HIP1R: variants seen among roughly 807,000 people sequenced by gnomAD.
The protein encoded by HIP1R is huntingtin-interacting protein 1-related protein.
Under a neutral mutation model 144.2 loss-of-function variants are expected in HIP1R, and 135 were observed. The ratio of observed to expected loss-of-function variants is 0.94; its 90% CI spans 0.81 to 1.08. The LOEUF (loss-of-function observed/expected upper bound fraction) is 1.08. HIP1R is among the 50% of genes least tolerant of loss of function. The pLI is 0.00. For missense variants in HIP1R, 1,462 were observed against 1,432.8 expected (o/e 1.02, Z -0.33); for synonymous variants, 698 against 612.8 (o/e 1.14, Z -2.05).
chr12:122,838,321 TAA>T (rs59855317), intron 1 of HIP1R, among the ~76,000 whole-genome samples: 3 of 127,534 alleles, frequency 2.4e-5, no homozygotes, highest in African/African-American at 3.0e-5. Flanking sequence ...TCCCTTTGGT[TAA>T]AAAAAAAAAA....
intron 4 of HIP1R, among the ~76,000 whole-genome samples, chr12:122,849,641 C>T (rs2033315659): frequency 6.6e-6 from 1 of 152,262 alleles, no homozygotes; most frequent in Non-Finnish European, 1.5e-5. Flanking sequence ...TCAGAACTGG[C>T]CTGCCGCCCT....
intron 5 of HIP1R, chr12:122,850,196 C>T (rs918456306): frequency 1.7e-5 from 11 of 648,914 alleles, no homozygotes; most frequent in African/African-American, 5.3e-5. Flanking sequence ...TTTCTGTGGA[C>T]ATGAGCGCTG....
Position 122,860,940 on chromosome 12 carries a change from C to G in HIP1R, c.2791C>G (p.His931Asp), listed in dbSNP as rs749514313. Residue 931 changes from histidine (H) to aspartate (D), a missense_variant, in exon 29 of 32, where the codon CAC (histidine) becomes GAC (aspartate). This residue lies in a region of HIP1R where 1,112 missense variants were observed against 1,011.7 expected (regional missense o/e 1.10). Transcript: ENST00000253083. ...SKVKANKHSP[H>D]LSRLQECSRT... is the part of the protein sequence containing the mutation. ...GGTGAAGGCCAACAAGCACAGCCCC[C>G]ACCTGAGCCGCCTGCAGGAATGTTC... The G allele has an allele frequency of 1.9e-6, 3 of 1,612,830 alleles. No individual in the cohort carries two copies. The highest frequency in any genetic ancestry group is 1.3e-5 in the African/African-American group (1 of 74,900).
rs200961297 is a variant in HIP1R, at chr12:122,860,486, G to A, written c.2623G>A (p.Ala875Thr). The A allele has an allele frequency of 1.9e-6, 3 of 1,613,236 alleles. No individual in the cohort carries two copies. The highest frequency in any genetic ancestry group is 2.5e-6 in the Non-Finnish European group (3 of 1,179,974). Residue 875 changes from alanine to threonine, a missense_variant, in exon 27 of 32, where the codon GCC becomes ACC. Ala to Thr is a moderately conservative substitution (Grantham distance 58). Coordinates refer to ENST00000253083, the MANE Select transcript of HIP1R (RefSeq NM_003959.3). ...GCGCTGGACCGAAGGCCTCATCTCGGCCTCCAAGGCTGTGGGCTGGGGAGC... is the reference window on the plus strand; with the variant it reads ...GCGCTGGACCGAAGGCCTCATCTCGACCTCCAAGGCTGTGGGCTGGGGAGC... Reference protein sequence around the residue: ...NSRWTEGLISASKAVGWGATQ... With the variant: ...NSRWTEGLISTSKAVGWGATQ...
intron 5 of HIP1R, 135 bp downstream of exon 5, chr12:122,850,090 C>T (rs1448044940): frequency 1.4e-6 from 1 of 725,466 alleles, no homozygotes; most frequent in Non-Finnish European, 2.5e-6. Context: ...CTTGTCCCAA[C>T]TATGACTAAA....
intron 18 of HIP1R, chr12:122,857,510 C>T: frequency 1.9e-6 from 1 of 531,482 alleles, no homozygotes; most frequent in Non-Finnish European, 3.4e-6. Flanking sequence ...AACTTTCTGG[C>T]TGTTGTAAAT....
chr12:122,837,898 C>T (rs1289686931), intron 1 of HIP1R, among the ~76,000 whole-genome samples: 2 of 152,210 alleles, frequency 1.3e-5, no homozygotes, highest in East Asian at 3.8e-4. Context: ...GGAAAAGGAC[C>T]TGGAGAGCTG....
chr12:122,849,177 C>G (rs1221749275), intron 4 of HIP1R, among the ~76,000 whole-genome samples: 1 of 152,270 alleles, frequency 6.6e-6, no homozygotes, highest in African/African-American at 2.4e-5. Context: ...CTGGGCTCCC[C>G]CAGACCTGCT....
intron 22 of HIP1R, 98 bp from the exon 23 acceptor site, chr12:122,859,328 A>C (rs1022133454): frequency 6.9e-7 from 1 of 1,458,406 alleles, no homozygotes; most frequent in Middle Eastern, 1.8e-4. Context: ...GGGACCATGC[A>C]CCCTCCTCGA....
chr12:122,848,087 C>T lies in HIP1R; in HGVS notation c.150C>T (p.His50=), dbSNP rs572100848. 4.1e-5 allele frequency: 66 copies of T among 1,613,382 alleles called. No homozygotes were observed. Among genetic ancestry groups the T allele is most frequent in the Non-Finnish European group, 4.9e-5 (58 of 1,179,946 alleles). Residue 50 remains histidine, a synonymous_variant, in exon 2 of 32, where the codon CAC becomes CAT. Transcript: ENST00000253083. ...AGGAGGCCCCCGTGAAGGAGAAGCA[C>T]GCCCGGCGTATCCTTGGCCGGCTCT... ...NTQEAPVKEK[H]ARRIILGTHH... is the part of the protein sequence containing the mutation.
chr12:122,839,108 A>AC (rs2032986200), intron 1 of HIP1R, among the ~76,000 whole-genome samples: 2 of 152,258 alleles, frequency 1.3e-5, no homozygotes, highest in South Asian at 4.1e-4. Context: ...ACTTGGCCCA[A>AC]CCGTCTTTCT....
At chr12:122,849,656 A>G (rs1396857723) in intron 4 of HIP1R, among the ~76,000 whole-genome samples, 1 of 152,276 alleles carries the variant, frequency 6.6e-6, no homozygotes, top group South Asian at 2.1e-4. Context: ...CGCCCTGGAC[A>G]AAGAGCTCTC....
Position 122,860,094 on chromosome 12 carries a change from C to T in HIP1R, c.2496+17C>T, listed in dbSNP as rs370242544. ...CTGATGAAGGTGAGGGGCTGTGACC[C>T]GGGGGGGTCTGCACCTGGAGGGCCA... On this transcript the variant is annotated intron_variant, in intron 25 of 31. Coordinates refer to ENST00000253083, the MANE Select transcript of HIP1R (RefSeq NM_003959.3). 114 of 1,578,412 alleles carry T rather than the reference C, an allele frequency of 7.2e-5. No homozygotes were observed. The highest frequency in any genetic ancestry group is 8.3e-5 in the Non-Finnish European group (97 of 1,163,114).
chr12:122,844,554 A>G (rs11060344), intron 1 of HIP1R, among the ~76,000 whole-genome samples: 14,194 of 152,186 alleles, frequency 0.093, 975 homozygotes, highest in Non-Finnish European at 0.14. Flanking sequence ...GCTGCACATT[A>G]TCACTGCATC....
intron 13 of HIP1R, 35 bp from the exon 14 acceptor site, chr12:122,855,945 C>A: frequency 3.8e-6 from 6 of 1,569,460 alleles, no homozygotes; most frequent in Non-Finnish European, 5.2e-6. Flanking sequence ...CCCTCACGGC[C>A]CAGGCAGGGC....
chr12:122,846,318 A>G (rs1356916530), intron 1 of HIP1R, among the ~76,000 whole-genome samples: 1 of 152,222 alleles, frequency 6.6e-6, no homozygotes, highest in African/African-American at 2.4e-5. Context: ...ACAGACAAGT[A>G]TATAAGCCTT....
At chr12:122,841,827 G>A (rs897391) in intron 1 of HIP1R, among the ~76,000 whole-genome samples, 121,506 of 152,096 alleles carry the variant, frequency 0.8, 49,529 homozygotes, top group Middle Eastern at 0.9. Flanking sequence ...AGCCTGGGGC[G>A]GAGGTGGCAG....
rs745483349 is a variant in HIP1R, at chr12:122,861,334, G to A, written c.2979G>A (p.Thr993=). The change falls in exon 31 of 32, where the codon ACG becomes ACA. Residue 993 remains threonine (T), a synonymous_variant. Coordinates refer to ENST00000253083, the MANE Select transcript of HIP1R (RefSeq NM_003959.3). ...TGCGTGTCCTGGAGCTGGAGAAGAC[G>A]CTGGAGGCTGAACGCATGCGGCTGG... ...TQVRVLELEK[T]LEAERMRLGE... The A allele has an allele frequency of 1.7e-5, 28 of 1,613,690 alleles. No homozygotes were observed. Among genetic ancestry groups the A allele is most frequent in the Middle Eastern group, 1.6e-4 (1 of 6,082 alleles).
chr12:122,851,359 G>A (rs1436153944), intron 7 of HIP1R, 62 bp downstream of exon 7: 17 of 1,374,864 alleles, frequency 1.2e-5, no homozygotes, highest in African/African-American at 3.0e-5. Context: ...GAGATGGGAC[G>A]AGAAGAAAAA....
Sources: gnomAD v4.1 joint callset for allele counts (sites outside exome capture counted in the v4.1 genomes callset) on GRCh38, gnomAD v4.1.1 for gene constraint, gnomAD v4.1.1 regional missense constraint, MANE v1.5 for transcripts, NCBI Gene and HGNC (gene_info 2026-07-23, HGNC 2026-07-21) for gene names.